The following TIAM2 variants were observed in gnomAD, a reference collection of about 807,000 sequenced individuals.
TIAM2 encodes TIAM Rac1 associated GEF 2, also known as rho guanine nucleotide exchange factor TIAM2.
TIAM2 carries 80 observed loss-of-function variants against 152.9 expected under a neutral mutation model. The ratio of observed to expected loss-of-function variants is 0.52; its 90% CI spans 0.44 to 0.63. The LOEUF is 0.63. TIAM2 is among the 30% of genes least tolerant of loss of function. The pLI is 0.00. For missense variants in TIAM2, 1,965 were observed against 2,120.1 expected, an observed-to-expected ratio of 0.93 and a Z score of 1.44; for synonymous variants, 804 against 838.0, an observed-to-expected ratio of 0.96 and a Z score of 0.70.
chr6:155,145,417 C>T (rs146351729), intron 6 of TIAM2, among the ~76,000 whole-genome samples: 120 of 152,176 alleles, frequency 7.9e-4, no homozygotes, highest in African/African-American at 2.8e-3. Context: ...GATCTTGGAG[C>T]GCGTACCAGA....
intron 15 of TIAM2, among the ~76,000 whole-genome samples, chr6:155,231,067 C>T (rs1782454892): frequency 6.6e-6 from 1 of 151,896 alleles, no homozygotes; most frequent in Non-Finnish European, 1.5e-5. Flanking sequence ...GTCTCAGACT[C>T]CTGACATCAA....
intron 3 of TIAM2, among the ~76,000 whole-genome samples, chr6:155,128,972 T>C (rs1361308451): frequency 1.3e-5 from 2 of 152,206 alleles, no homozygotes; most frequent in African/African-American, 2.4e-5. Context: ...AAATTAATAT[T>C]GTATAATGAA....
At chr6:155,066,701 C>T (rs999801214) in intron 1 of TIAM2, among the ~76,000 whole-genome samples, 1 of 151,930 alleles carries the variant, frequency 6.6e-6, no homozygotes, top group Non-Finnish European at 1.5e-5. Context: ...TTTGGCATAC[C>T]TTCCTGATAG....
chr6:155,074,653 C>T (rs1015297130), intron 1 of TIAM2, among the ~76,000 whole-genome samples: 18 of 152,142 alleles, frequency 1.2e-4, no homozygotes, highest in African/African-American at 3.1e-4. Context: ...TAGCCTGTAA[C>T]GATAAGTTTA....
intron 2 of TIAM2, among the ~76,000 whole-genome samples, chr6:155,107,312 C>T (rs1003867588): frequency 3.3e-5 from 5 of 152,214 alleles, no homozygotes; most frequent in Admixed American, 3.3e-4. Flanking sequence ...AGGCAGCACA[C>T]GTTGCTGTGC....
intron 1 of TIAM2, among the ~76,000 whole-genome samples, chr6:155,061,828 A>G (rs1777585310): frequency 6.6e-6 from 1 of 152,156 alleles, no homozygotes; most frequent in Non-Finnish European, 1.5e-5. Flanking sequence ...TGATTTTTTA[A>G]AAAAATTTGT....
At chr6:155,151,372 T>C (rs1400647096) in intron 7 of TIAM2, among the ~76,000 whole-genome samples, 1 of 152,244 alleles carries the variant, frequency 6.6e-6, no homozygotes, top group Non-Finnish European at 1.5e-5. Context: ...CTGGCAGACA[T>C]CTGCACTTAC....
chr6:155,221,806 T>G (rs1407680645), intron 15 of TIAM2, among the ~76,000 whole-genome samples: 1 of 152,200 alleles, frequency 6.6e-6, no homozygotes, highest in African/African-American at 2.4e-5. Context: ...CTTTCTGGGC[T>G]TCTGAATTAG....
chr6:154,996,748 T>A (rs1191049052), intron 1 of TIAM2, among the ~76,000 whole-genome samples: 1 of 152,242 alleles, frequency 6.6e-6, no homozygotes, highest in Admixed American at 6.5e-5. Context: ...TATTTCCTGA[T>A]GTGCTTAAGA....
At chr6:155,231,317 A>G (rs1782463484) in intron 15 of TIAM2, among the ~76,000 whole-genome samples, 1 of 152,194 alleles carries the variant, frequency 6.6e-6, no homozygotes, top group Non-Finnish European at 1.5e-5. Context: ...AACCTTTGGA[A>G]ATGGAACTGT....
At position 155,257,383 on chromosome 6, in the gene TIAM2, A is replaced by AATT. The variant is rs2114650993; in HGVS notation, c.*264_*266dup. On this transcript the variant is annotated 3_prime_UTR_variant, in exon 27 of 27. Coordinates refer to ENST00000682666, the MANE Select transcript of TIAM2 (RefSeq NM_012454.4). ...GTATCAAATGATTTAGGATCCTTAA[A>AATT]ATTACATTCTAATAATTAAGTTATG... 2.3e-6 allele frequency: 1 copy of AATT among 426,118 alleles called. No homozygotes were observed. Among genetic ancestry groups the AATT allele is most frequent in the East Asian group, 4.8e-5 (1 of 21,020 alleles). The allele number at this position is 426,118 out of a possible 1,614,324, so 26.4% of individuals were successfully genotyped here. A position where few individuals can be genotyped will look rare whatever the true frequency, so the allele number is the denominator to read the frequency against.
At chr6:155,063,696 C>CT (rs1356446785) in intron 1 of TIAM2, among the ~76,000 whole-genome samples, 1 of 147,684 alleles carries the variant, frequency 6.8e-6, no homozygotes, top group Admixed American at 7.0e-5. Flanking sequence ...GCAGGAGAAT[C>CT]TCTTGAACCC....
intron 1 of TIAM2, among the ~76,000 whole-genome samples, chr6:155,030,348 T>A (rs1029457655): frequency 3.3e-5 from 5 of 152,148 alleles, no homozygotes; most frequent in African/African-American, 1.2e-4. Context: ...GTTGTTACAA[T>A]TGAACTGCCT....
intron 8 of TIAM2, among the ~76,000 whole-genome samples, 166 bp downstream of exon 8, chr6:155,164,766 C>T (rs1476157606): frequency 3.9e-5 from 6 of 152,078 alleles, no homozygotes; most frequent in Admixed American, 3.3e-4. Context: ...GGAGACCAGA[C>T]GTCGTGCTGT....
intron 7 of TIAM2, among the ~76,000 whole-genome samples, chr6:155,150,269 G>A (rs1400483533): frequency 6.6e-6 from 1 of 152,180 alleles, no homozygotes; most frequent in Non-Finnish European, 1.5e-5. Context: ...TTATAATTTA[G>A]TTAGAGAGCA....
rs768120057 is a variant in TIAM2 at position 155,137,181 on chromosome 6, C to T, written c.1199C>T (p.Pro400Leu). ...GATCATGTGTGTTTCTCACAGGAGCCGAGGTCCAAGGAGGGCAGTGACTAC... is the reference window on the plus strand; with the variant it reads ...GATCATGTGTGTTTCTCACAGGAGCTGAGGTCCAAGGAGGGCAGTGACTAC... ...LSRKKRKLQE[P>L]RSKEGSDYFD... is the part of the protein sequence containing the mutation. Residue 400 changes from proline (P) to leucine (L), a missense_variant, in exon 5 of 27, where the codon CCG (proline) becomes CTG (leucine). Pro to Leu is a moderately conservative substitution (Grantham distance 98). Around this residue, in one of 3 missense-constraint regions of TIAM2, gnomAD observed 1,025 missense variants for 1,119.4 expected, o/e 0.92. Transcript: ENST00000682666. 1.2e-5 allele frequency: 19 copies of T among 1,611,384 alleles called. No individual in the cohort carries two copies. The highest frequency in any genetic ancestry group is 1.7e-5 in the Admixed American group (1 of 59,914).
intron 21 of TIAM2, 44 bp from the exon 22 acceptor site, chr6:155,250,869 C>G (rs2115349958): frequency 6.3e-7 from 1 of 1,580,946 alleles, no homozygotes; most frequent in Non-Finnish European, 8.7e-7. Context: ...ATCATCTAGC[C>G]TGGGATTTCC....
intron 4 of TIAM2, among the ~76,000 whole-genome samples, chr6:155,134,434 T>C (rs1400070330): frequency 2.2e-5 from 3 of 135,816 alleles, no homozygotes; most frequent in Non-Finnish European, 4.7e-5. Flanking sequence ...CTCCTTGCTT[T>C]GCTATGGTTA....
At position 155,164,553 on chromosome 6, in the gene TIAM2, G is replaced by A. The variant is rs1264570463; in HGVS notation, c.2167G>A (p.Ala723Thr). The change falls in exon 8 of 27, where the codon GCC (alanine) becomes ACC (threonine). Residue 723 changes from alanine to threonine, a missense_variant. Physicochemically the swap from Ala to Thr is moderately conservative, Grantham distance 58 (BLOSUM62 0). Transcript: ENST00000682666. ...AGCCGCCAGCCGCCCCTCCAAGCTG[G>A]CCCTCGGCAGGCTGGGCATCTTGTC... ...LAAASRPSKL[A>T]LGRLGILSVS... The A allele has an allele frequency of 2.5e-6, 4 of 1,613,980 alleles. No individual in the cohort carries two copies. The highest frequency in any genetic ancestry group is 2.2e-5 in the South Asian group (2 of 91,076).
Sources: allele counts gnomAD v4.1 joint callset (sites outside exome capture counted in the v4.1 genomes callset), GRCh38; gene constraint gnomAD v4.1.1; regional missense constraint gnomAD v4.1.1; transcripts MANE v1.5; gene names NCBI Gene and HGNC (gene_info 2026-07-23, HGNC 2026-07-21).